Variants in MLKL observed in about 807,000 individuals in gnomAD.
MLKL encodes the protein mixed lineage kinase domain like pseudokinase.
MLKL carries 55 observed loss-of-function variants against 56.5 expected under a neutral mutation model. That is an observed-to-expected ratio of 0.97 (90% CI 0.78 to 1.22). MLKL has a LOEUF of 1.22. MLKL is among the 50% of genes most tolerant of loss of function. MLKL has a pLI of 0.00. For missense variants in MLKL, 694 were observed against 573.9 expected (o/e 1.21, Z -2.14); for synonymous variants, 251 against 208.3 (o/e 1.20, Z -1.76).
At chr16:74,675,330 C>G in intron 9 of MLKL, 25 bp downstream of exon 9, 2 of 1,614,182 alleles carry the variant, frequency 1.2e-6, no homozygotes, top group Non-Finnish European at 1.7e-6. Context: ...TCACCACTGG[C>G]TGAGCCAGTC....
chr16:74,681,036 A>T (rs1959933665), intron 6 of MLKL, among the ~76,000 whole-genome samples: 1 of 150,912 alleles, frequency 6.6e-6, no homozygotes, highest in Admixed American at 6.6e-5. Flanking sequence ...TATTATTATT[A>T]TTTTTTGAGA....
At chr16:74,686,449 G>A (rs1453092975) in intron 4 of MLKL, among the ~76,000 whole-genome samples, 1 of 152,174 alleles carries the variant, frequency 6.6e-6, no homozygotes, top group Non-Finnish European at 1.5e-5. Flanking sequence ...TGGGTGTGGT[G>A]GCGGGCGCCT....
intron 10 of MLKL, among the ~76,000 whole-genome samples, chr16:74,673,768 GAGAT>G (rs201185260): frequency 0.012 from 1,793 of 152,058 alleles, 18 homozygotes; most frequent in South Asian, 0.023. Context: ...AAAAAGAAGA[GAGAT>G]AGAAAGACAA....
intron 6 of MLKL, among the ~76,000 whole-genome samples, chr16:74,680,485 T>G (rs1337886938): frequency 2.0e-5 from 3 of 151,866 alleles, no homozygotes; most frequent in Admixed American, 6.6e-5. Flanking sequence ...TATTTTTTTT[T>G]TGTTTTTTTG....
At chr16:74,693,550 G>A (rs1326503675) in intron 2 of MLKL, among the ~76,000 whole-genome samples, 4 of 150,802 alleles carry the variant, frequency 2.7e-5, no homozygotes, top group Non-Finnish European at 4.4e-5. Context: ...TCAGAACCAT[G>A]TGAATATACT....
At chr16:74,679,413 G>T (rs1332644042) in intron 6 of MLKL, among the ~76,000 whole-genome samples, 1 of 152,194 alleles carries the variant, frequency 6.6e-6, no homozygotes, top group Non-Finnish European at 1.5e-5. Context: ...CAAAGCCCCT[G>T]CGTCCCAGGT....
intron 7 of MLKL, chr16:74,676,481 T>A: frequency 6.1e-6 from 6 of 984,644 alleles, no homozygotes; most frequent in Non-Finnish European, 7.2e-6. Context: ...CCCCCTTTCA[T>A]TCATTCATTC....
At chr16:74,675,554 A>C in intron 8 of MLKL, 59 bp downstream of exon 8, 2 of 1,584,618 alleles carry the variant, frequency 1.3e-6, no homozygotes, top group East Asian at 4.5e-5. Context: ...GAGGAGTTTG[A>C]TTTGGGTTTT....
intron 10 of MLKL, among the ~76,000 whole-genome samples, chr16:74,673,319 G>A (rs1457339183): frequency 1.3e-5 from 2 of 152,150 alleles, no homozygotes; most frequent in East Asian, 3.9e-4. Context: ...TGGGGTTCAA[G>A]CAATTCTCCT....
chr16:74,689,657 A>C (rs1048326567), intron 4 of MLKL, among the ~76,000 whole-genome samples: 1 of 152,198 alleles, frequency 6.6e-6, no homozygotes, highest in Non-Finnish European at 1.5e-5. Flanking sequence ...ATATGAAAAA[A>C]ACAGTAACAG....
intron 1 of MLKL, among the ~76,000 whole-genome samples, chr16:74,697,996 G>A (rs1257731903): frequency 6.6e-6 from 1 of 152,160 alleles, no homozygotes; most frequent in African/African-American, 2.4e-5. Flanking sequence ...GTATGAGCCT[G>A]AGTTCGAGAC....
At chr16:74,686,304 C>G (rs1358166497) in intron 4 of MLKL, among the ~76,000 whole-genome samples, 1 of 150,598 alleles carries the variant, frequency 6.6e-6, no homozygotes, top group Middle Eastern at 3.4e-3. Context: ...GATACTAGGC[C>G]GGGCGTGGTG....
At chr16:74,680,947 A>G (rs1250126287) in intron 6 of MLKL, among the ~76,000 whole-genome samples, 1 of 152,124 alleles carries the variant, frequency 6.6e-6, no homozygotes, top group Non-Finnish European at 1.5e-5. Flanking sequence ...ATTTGTGGTT[A>G]CCTATTTTTG....
chr16:74,700,391 C>T (rs1041764865), intron 1 of MLKL, 62 bp downstream of exon 1: 3 of 152,468 alleles, frequency 2.0e-5, no homozygotes, highest in Admixed American at 6.5e-5. Context: ...TTCCCATCAC[C>T]GTCCAGGAAT....
chr16:74,683,092 C>G (rs1960093471), intron 5 of MLKL, among the ~76,000 whole-genome samples: 2 of 152,098 alleles, frequency 1.3e-5, no homozygotes, highest in African/African-American at 2.4e-5. Flanking sequence ...GGGTGGAACA[C>G]AAGGTCAGGA....
intron 4 of MLKL, among the ~76,000 whole-genome samples, chr16:74,686,270 G>C (rs1344743037): frequency 6.6e-6 from 1 of 151,776 alleles, no homozygotes; most frequent in Non-Finnish European, 1.5e-5. Flanking sequence ...CCCGTGGTGT[G>C]TGTCTTTGAT....
intron 2 of MLKL, among the ~76,000 whole-genome samples, chr16:74,694,394 C>T (rs888606950): frequency 6.6e-6 from 1 of 152,146 alleles, no homozygotes; most frequent in Non-Finnish European, 1.5e-5. Context: ...ATTTACTTCT[C>T]ACGCCGGCCC....
intron 4 of MLKL, among the ~76,000 whole-genome samples, chr16:74,689,774 C>T (rs1960559033): frequency 6.6e-6 from 1 of 152,010 alleles, no homozygotes; most frequent in South Asian, 2.1e-4. Context: ...AATATGGTAC[C>T]ACAAATCAAC....
intron 7 of MLKL, chr16:74,676,272 G>C: frequency 2.0e-6 from 2 of 989,508 alleles, no homozygotes; most frequent in Non-Finnish European, 2.4e-6. Context: ...TGACGAGTGT[G>C]AGTCATCCCC....
Sources: allele counts gnomAD v4.1 joint callset (sites outside exome capture counted in the v4.1 genomes callset), GRCh38; gene constraint gnomAD v4.1.1; transcripts MANE v1.5; gene names NCBI Gene and HGNC (gene_info 2026-07-23, HGNC 2026-07-21).